EPHA5: variants seen among roughly 807,000 people sequenced by gnomAD.
EPHA5 encodes ephrin type-A receptor 5.
Under a neutral mutation model 105.0 loss-of-function variants are expected in EPHA5, and 60 were observed. That is an observed-to-expected ratio of 0.57 (90% confidence interval 0.46 to 0.71). The LOEUF is 0.71. Among genes scored for constraint, EPHA5 ranks in the 30% least tolerant of loss-of-function variants. EPHA5 has a pLI of 0.00. For missense variants in EPHA5, 1,218 were observed against 1,274.7 expected (o/e 0.96, Z 0.68); for synonymous variants, 513 against 449.1 (o/e 1.14, Z -1.80).
rs531247734 is a variant in EPHA5 at position 65,574,309 on chromosome 4, C to G, written c.910+27332G>C. The G allele has an allele frequency of 1.7e-5, 26 of 1,539,150 alleles. No homozygotes were observed. The Middle Eastern group carries it at 1.4e-3, about 84-fold the overall frequency. On this transcript the variant is annotated intron_variant, in intron 3 of 16. Transcript: ENST00000613740. ...TTTGCCCTGACGAATGGAATTTATC[C>G]TCACAAATTGGTGTTCTAAATGTCT... is the stretch of plus-strand genomic sequence containing the variant.
chr4:65,377,360 T>C (rs1389042142), intron 8 of EPHA5, among the ~76,000 whole-genome samples: 2 of 151,996 alleles, frequency 1.3e-5, no homozygotes, highest in Non-Finnish European at 2.9e-5. Context: ...TATAGACATA[T>C]AAATAAAGAT....
At chr4:65,433,702 T>G (rs1725209271) in intron 5 of EPHA5, among the ~76,000 whole-genome samples, 1 of 152,126 alleles carries the variant, frequency 6.6e-6, no homozygotes, top group Non-Finnish European at 1.5e-5. Flanking sequence ...GAAAATCCAT[T>G]TCTATGTCTT....
In EPHA5 at chr4:65,401,511, A is replaced by C. The variant is rs542836974; in HGVS notation, c.1793+2863T>G. Among the ~76,000 whole-genome samples, 6 of 152,266 alleles carry C rather than the reference A, an allele frequency of 3.9e-5. No homozygotes were observed. In the South Asian group the frequency reaches 1.2e-3, roughly 32 times the overall value. On this transcript the variant is annotated intron_variant, in intron 8 of 16. Transcript: ENST00000613740. ...CGAAATTCAAGAAAATACATCCAAC[A>C]AATAAAGTAATTAAAATTTAATGCA...
At chr4:65,613,426 T>C (rs2149462706) in intron 2 of EPHA5, among the ~76,000 whole-genome samples, 1 of 152,212 alleles carries the variant, frequency 6.6e-6, no homozygotes, top group Non-Finnish European at 1.5e-5. Context: ...GTTGATATTT[T>C]TTATAGGAAT....
intron 5 of EPHA5, among the ~76,000 whole-genome samples, chr4:65,463,046 A>G (rs1045670008): frequency 3.9e-5 from 6 of 152,214 alleles, no homozygotes; most frequent in Admixed American, 3.9e-4. Flanking sequence ...TTCTGTTTAA[A>G]GTATTTTTCA....
chr4:65,574,433 T>C (rs1449370413), intron 3 of EPHA5: 8 of 416,676 alleles, frequency 1.9e-5, no homozygotes, highest in Non-Finnish European at 2.7e-5. Context: ...CATGTATTCA[T>C]ACTCTTGAGG....
At chr4:65,573,532 G>A in intron 3 of EPHA5, 1 of 1,598,030 alleles carries the variant, frequency 6.3e-7, no homozygotes, top group East Asian at 2.2e-5. Flanking sequence ...GATGCTGGTG[G>A]CAAGGTGAAA....
At chr4:65,621,778 C>T (rs1745726503) in intron 2 of EPHA5, among the ~76,000 whole-genome samples, 1 of 152,060 alleles carries the variant, frequency 6.6e-6, no homozygotes, top group South Asian at 2.1e-4. Context: ...GGGGTTCAGG[C>T]ATGTTTTTGG....
intron 3 of EPHA5, among the ~76,000 whole-genome samples, chr4:65,569,296 T>A (rs1423131471): frequency 6.6e-6 from 1 of 151,574 alleles, no homozygotes; most frequent in Non-Finnish European, 1.5e-5. Flanking sequence ...TAAATGGCTA[T>A]TTTTGTTTTA....
At chr4:65,563,702 C>A (rs904561477) in intron 3 of EPHA5, among the ~76,000 whole-genome samples, 5 of 151,944 alleles carry the variant, frequency 3.3e-5, no homozygotes, top group African/African-American at 1.2e-4. Flanking sequence ...AGCAAGCACT[C>A]TTTTGATGAA....
intron 11 of EPHA5, among the ~76,000 whole-genome samples, chr4:65,357,997 T>C (rs554408207): frequency 6.6e-6 from 1 of 151,586 alleles, no homozygotes; most frequent in East Asian, 1.9e-4. Context: ...ATTTGGGGAA[T>C]GTTGATCTAG....
At chr4:65,464,454 T>G (rs948447728) in intron 5 of EPHA5, among the ~76,000 whole-genome samples, 5 of 152,098 alleles carry the variant, frequency 3.3e-5, no homozygotes, top group Non-Finnish European at 7.4e-5. Flanking sequence ...TACTTTAATC[T>G]AAATAGATAA....
At chr4:65,406,961 A>G (rs1282835340) in intron 7 of EPHA5, among the ~76,000 whole-genome samples, 3 of 151,854 alleles carry the variant, frequency 2.0e-5, no homozygotes, top group African/African-American at 4.8e-5. Context: ...ATCAGATACT[A>G]TTGTGTTTCT....
rs1158692136 is a variant in EPHA5, at chr4:65,647,231, A to C, written c.182-3804T>G. Among the ~76,000 whole-genome samples, 18 of 146,144 alleles carry C rather than the reference A, an allele frequency of 1.2e-4. No homozygotes were observed. The Admixed American group carries it at 1.2e-3, about 10-fold the overall frequency. On this transcript the variant is annotated intron_variant, in intron 1 of 16. Coordinates refer to ENST00000613740, the MANE Select transcript of EPHA5 (RefSeq NM_001281766.3). ...GTTGTCCCAGCTACTCATGAGGCTG[A>C]GGCAGGAGAATGGTGTGAACCTGGG...
At chr4:65,600,023 T>C (rs1160996731) in intron 3 of EPHA5, among the ~76,000 whole-genome samples, 5 of 152,190 alleles carry the variant, frequency 3.3e-5, no homozygotes, top group Non-Finnish European at 7.4e-5. Flanking sequence ...ACATATTCTC[T>C]AAAATGATAG....
chr4:65,439,341 T>C (rs1310688979), intron 5 of EPHA5, among the ~76,000 whole-genome samples: 1 of 152,140 alleles, frequency 6.6e-6, no homozygotes, highest in East Asian at 1.9e-4. Context: ...TTAATGTTTG[T>C]TCTATTTGTG....
chr4:65,395,993 C>T (rs1404000258), intron 8 of EPHA5, among the ~76,000 whole-genome samples: 1 of 152,140 alleles, frequency 6.6e-6, no homozygotes, highest in African/African-American at 2.4e-5. Flanking sequence ...ATTGGCAGGG[C>T]AGGAGCCCTG....
intron 3 of EPHA5, among the ~76,000 whole-genome samples, chr4:65,590,850 G>T (rs1452146230): frequency 1.3e-5 from 2 of 152,040 alleles, no homozygotes; most frequent in African/African-American, 4.8e-5. Context: ...TTTTATTCAG[G>T]TTTATCATTA....
intron 8 of EPHA5, among the ~76,000 whole-genome samples, chr4:65,378,069 A>C (rs1719184856): frequency 6.6e-6 from 1 of 151,940 alleles, no homozygotes; most frequent in Non-Finnish European, 1.5e-5. Flanking sequence ...ATAAATTTGC[A>C]AACACTAATG....
Sources: gnomAD v4.1 joint callset for allele counts (sites outside exome capture counted in the v4.1 genomes callset) on GRCh38, gnomAD v4.1.1 for gene constraint, MANE v1.5 for transcripts, NCBI Gene and HGNC (gene_info 2026-07-23, HGNC 2026-07-21) for gene names.